UBR2: variants seen among roughly 807,000 people sequenced by gnomAD.
The protein encoded by UBR2 is E3 ubiquitin-protein ligase UBR2.
UBR2 carries 92 observed loss-of-function variants against 247.9 expected under a neutral mutation model. That is an observed-to-expected ratio of 0.37 (90% CI 0.31 to 0.44). UBR2 has a LOEUF of 0.44. UBR2 is among the 20% of genes least tolerant of loss of function. UBR2 has a pLI of 1.00. For synonymous variants in UBR2, 672 were observed against 693.5 expected, an observed-to-expected ratio of 0.97 and a Z score of 0.49; for missense variants, 1,613 against 2,112.6, an observed-to-expected ratio of 0.76 and a Z score of 4.64.
At chr6:42,610,903 T>C (rs1794026410) in intron 7 of UBR2, among the ~76,000 whole-genome samples, 1 of 151,124 alleles carries the variant, frequency 6.6e-6, no homozygotes, top group African/African-American at 2.4e-5. Context: ...TGGAGTGCAA[T>C]GGCGCGATCT....
rs1170729559 is a variant in UBR2 at position 42,663,322 on chromosome 6, T to C, written c.3601T>C (p.Tyr1201His). 1.2e-6 allele frequency: 2 copies of C among 1,613,986 alleles called. No homozygotes were observed. The highest frequency in any genetic ancestry group is 8.5e-7 in the Non-Finnish European group (1 of 1,179,952). ...ACAGAGATTACGCTTACATACGAGC[T>C]ATGATGTAGAAAACGGAGAATTCCT... ...RQQRLRLHTS[Y>H]DVENGEFLCP... is the part of the protein sequence containing the mutation. Residue 1201 changes from tyrosine to histidine, a missense_variant, in exon 32 of 47, where the codon TAT (tyrosine) becomes CAT (histidine). By Grantham distance (83) the Tyr-to-His change is moderately conservative (BLOSUM62 2). Coordinates refer to ENST00000372901, the MANE Select transcript of UBR2 (RefSeq NM_001363705.2).
Position 42,641,593 on chromosome 6 carries a change from C to A in UBR2, c.1932C>A (p.Ser644Arg). The A allele has an allele frequency of 6.3e-7, 1 of 1,591,872 alleles. No individual in the cohort carries two copies. Among genetic ancestry groups the A allele is most frequent in the Non-Finnish European group, 8.5e-7 (1 of 1,173,230 alleles). Residue 644 changes from serine to arginine, a missense_variant, in exon 17 of 47, where the codon AGC (serine) becomes AGA (arginine). Ser to Arg is a moderately radical substitution (Grantham distance 110). Transcript: ENST00000372901. ...TTTTGTATATATAGAGTGAACTTAGCCCACCCATGTTGATAGAACACCCTC... is the reference window on the plus strand; with the variant it reads ...TTTTGTATATATAGAGTGAACTTAGACCACCCATGTTGATAGAACACCCTC... ...FPELLPLSELSPPMLIEHPLR... is the reference protein window; with the variant it reads ...FPELLPLSELRPPMLIEHPLR...
At chr6:42,657,234 CAA>C (rs35892798) in intron 26 of UBR2, among the ~76,000 whole-genome samples, 55 of 87,958 alleles carry the variant, frequency 6.3e-4, no homozygotes, top group East Asian at 5.8e-4. Flanking sequence ...GACTCTGTCT[CAA>C]AAAAAAAAAA....
intron 18 of UBR2, among the ~76,000 whole-genome samples, chr6:42,643,765 T>A (rs1161927055): frequency 1.3e-5 from 2 of 151,926 alleles, no homozygotes; most frequent in African/African-American, 2.4e-5. Context: ...CAGAAAAAAA[T>A]AGGTTAGGAG....
At chr6:42,583,406 C>T (rs894225712) in intron 2 of UBR2, among the ~76,000 whole-genome samples, 9 of 152,110 alleles carry the variant, frequency 5.9e-5, no homozygotes, top group Non-Finnish European at 1.2e-4. Flanking sequence ...CACCACCAAG[C>T]CCAACTAATT....
intron 2 of UBR2, 77 bp downstream of exon 2, chr6:42,574,070 T>C (rs1791343931): frequency 1.4e-6 from 2 of 1,400,344 alleles, no homozygotes; most frequent in Non-Finnish European, 1.9e-6. Context: ...TTTTGAGTTT[T>C]TGTTTAAAAA....
Position 42,574,093 on chromosome 6 carries a change from A to G in UBR2, c.338+100A>G, listed in dbSNP as rs1026038668. 141 of 1,178,446 alleles carry G rather than the reference A, an allele frequency of 1.2e-4. 1 individual carries two copies. In the Middle Eastern group the frequency reaches 1.5e-3, roughly 12 times the overall value. 73.0% of individuals were successfully genotyped at this position (1,178,446 alleles called of 1,614,324 possible). ...TTTTGTTTAAAAATTATGAAATACC[A>G]TATCTGCTTAAAAATCTGTATTACA... On this transcript the variant is annotated intron_variant, in intron 2 of 46. Coordinates refer to ENST00000372901, the MANE Select transcript of UBR2 (RefSeq NM_001363705.2).
At position 42,612,175 on chromosome 6, in the gene UBR2, A is replaced by G. The variant is rs747464306; in HGVS notation, c.869A>G (p.Asn290Ser). 3.3e-6 allele frequency: 5 copies of G among 1,506,594 alleles called. No individual in the cohort carries two copies. The South Asian group carries it at 5.4e-5, about 16-fold the overall frequency. The allele number at this position is 1,506,594 out of a possible 1,614,324, so 93.3% of individuals were successfully genotyped here. The change falls in exon 8 of 47, where the codon AAT (asparagine) becomes AGT (serine). Residue 290 changes from asparagine to serine, a missense_variant. Physicochemically the swap from Asn to Ser is conservative, Grantham distance 46. Around this residue, in one of 3 missense-constraint regions of UBR2, gnomAD observed 1,524 missense variants for 1,967.3 expected, o/e 0.77. Coordinates refer to ENST00000372901, the MANE Select transcript of UBR2 (RefSeq NM_001363705.2). ...ATCTTGCCATTTCTTTTTAAGAGAA[A>G]TACCAGTAGACAGACAAAGCCACTC... ...CEQAKSVIVR[N>S]TSRQTKPLKV...
intron 13 of UBR2, 73 bp downstream of exon 13, chr6:42,632,977 ATTTTTC>A: frequency 2.4e-6 from 2 of 818,450 alleles, no homozygotes; most frequent in East Asian, 7.0e-5. Context: ...TTTTTTTTTA[ATTTTTC>A]TTTTTCTTTT....
chr6:42,686,730 C>G (rs1799428771), intron 44 of UBR2, among the ~76,000 whole-genome samples: 1 of 151,094 alleles, frequency 6.6e-6, no homozygotes, highest in African/African-American at 2.4e-5. Context: ...CCGGACGGGG[C>G]AGCTGGCCGG....
chr6:42,675,931 T>C, intron 38 of UBR2, 125 bp from the exon 39 acceptor site: 2 of 1,346,812 alleles, frequency 1.5e-6, no homozygotes, highest in Non-Finnish European at 2.0e-6. Flanking sequence ...CACTCCAGCC[T>C]GGGCAACAGA....
chr6:42,642,067 ATTTT>A (rs983105769), intron 17 of UBR2, among the ~76,000 whole-genome samples: 1 of 149,202 alleles, frequency 6.7e-6, no homozygotes, highest in African/African-American at 2.5e-5. Context: ...CTTGGAATGA[ATTTT>A]TTTTTTTCCA....
chr6:42,680,757 A>T (rs779500839), intron 42 of UBR2, among the ~76,000 whole-genome samples: 1 of 152,200 alleles, frequency 6.6e-6, no homozygotes, highest in Non-Finnish European at 1.5e-5. Flanking sequence ...TGCAAACTAC[A>T]TATCTGATAA....
At chr6:42,657,078 T>C (rs1418034631) in intron 26 of UBR2, among the ~76,000 whole-genome samples, 1 of 151,604 alleles carries the variant, frequency 6.6e-6, no homozygotes, top group Non-Finnish European at 1.5e-5. Context: ...CTACCAAAAA[T>C]ACAAAAATTA....
intron 3 of UBR2, among the ~76,000 whole-genome samples, chr6:42,592,957 G>A (rs1204253771): frequency 6.6e-6 from 1 of 150,484 alleles, no homozygotes; most frequent in African/African-American, 2.4e-5. Context: ...GGCGGATCAC[G>A]AGGTCAGGAG....
rs146109924 is a variant in UBR2, at chr6:42,640,697, G to A, written c.1920+427G>A. On this transcript the variant is annotated intron_variant, in intron 16 of 46. Coordinates refer to ENST00000372901, the MANE Select transcript of UBR2 (RefSeq NM_001363705.2). ...TGATGAAGCCCACCCATGTTTGGAG[G>A]GTAATCTGCTTTACTCAGAGTCTAT... is the stretch of plus-strand genomic sequence containing the variant. Among the ~76,000 whole-genome samples the A allele has an allele frequency of 1.7e-3, 262 of 151,764 alleles. 2 individuals carry two copies. The highest frequency in any genetic ancestry group is 5.7e-3 in the African/African-American group (235 of 41,382).
chr6:42,620,646 G>C (rs1005690519), intron 11 of UBR2, among the ~76,000 whole-genome samples: 31 of 150,938 alleles, frequency 2.1e-4, no homozygotes, highest in African/African-American at 7.5e-4. Flanking sequence ...ATAGAGATGG[G>C]GTTTCACTAT....
chr6:42,632,713 CAAGT>C lies in UBR2; in HGVS notation c.1445+3_1445+6del. 1 of 1,589,830 alleles carries C rather than the reference CAAGT, an allele frequency of 6.3e-7. No individual in the cohort carries two copies. The highest frequency in any genetic ancestry group is 8.5e-7 in the Non-Finnish European group (1 of 1,171,684). On this transcript the variant is annotated splice_donor_variant and coding_sequence_variant, in exon 12 of 47. Coordinates refer to ENST00000372901, the MANE Select transcript of UBR2 (RefSeq NM_001363705.2). LOFTEE classifies it high-confidence loss of function. ...GAGTACAGAGCCTTATTTTAGATCTCAAGTAAGTTTTCATTTAATTATTAAACCA... is the reference window on the plus strand; with the variant it reads ...GAGTACAGAGCCTTATTTTAGATCTCAAGTTTTCATTTAATTATTAAACCA...
At chr6:42,623,191 G>A (rs537131226) in intron 11 of UBR2, among the ~76,000 whole-genome samples, 9 of 152,174 alleles carry the variant, frequency 5.9e-5, no homozygotes, top group East Asian at 1.9e-4. Flanking sequence ...ATATTTTACC[G>A]TAAAGTATGA....
Sources: gnomAD v4.1 joint callset for allele counts (sites outside exome capture counted in the v4.1 genomes callset) on GRCh38, gnomAD v4.1.1 for gene constraint, gnomAD v4.1.1 regional missense constraint, MANE v1.5 for transcripts, NCBI Gene and HGNC (gene_info 2026-07-23, HGNC 2026-07-21) for gene names.